TMEM132C: variants seen among roughly 807,000 people sequenced by gnomAD.
TMEM132C encodes the protein protein phosphatase 1, regulatory subunit 152.
Under a neutral mutation model 61.4 loss-of-function variants are expected in TMEM132C, and 29 were observed. The ratio of observed to expected loss-of-function variants is 0.47; its 90% CI spans 0.35 to 0.64. The LOEUF is 0.64. Among genes scored for constraint, TMEM132C ranks in the 30% least tolerant of loss-of-function variants. TMEM132C has a pLI of 0.00. For synonymous variants in TMEM132C, 656 were observed against 633.1 expected (o/e 1.04, Z -0.54); for missense variants, 1,408 against 1,476.9 (o/e 0.95, Z 0.76).
At chr12:128,542,859 C>CAAAAAA (rs59362697) in intron 2 of TMEM132C, among the ~76,000 whole-genome samples, 1 of 81,584 alleles carries the variant, frequency 1.2e-5, no homozygotes. Flanking sequence ...TACTTCGATG[C>CAAAAAA]AAAAAAAAAA....
chr12:128,525,340 CTCTT>C (rs1319518947), intron 2 of TMEM132C, among the ~76,000 whole-genome samples: 5 of 139,222 alleles, frequency 3.6e-5, no homozygotes, highest in African/African-American at 2.8e-5. Context: ...CTCTCTCTCT[CTCTT>C]TCTCTCTCTC....
intron 1 of TMEM132C, among the ~76,000 whole-genome samples, chr12:128,354,327 A>G (rs1873433002): frequency 6.8e-6 from 1 of 148,038 alleles, no homozygotes; most frequent in Non-Finnish European, 1.5e-5. Flanking sequence ...TCCCTCCCTC[A>G]CTTCCTTTCT....
intron 2 of TMEM132C, among the ~76,000 whole-genome samples, chr12:128,437,421 C>T (rs1360891646): frequency 6.6e-6 from 1 of 152,194 alleles, no homozygotes; most frequent in East Asian, 1.9e-4. Context: ...TCCCATCATG[C>T]TCCACTGCCT....
chr12:128,328,809 A>G (rs1223780562), intron 1 of TMEM132C, among the ~76,000 whole-genome samples: 1 of 148,468 alleles, frequency 6.7e-6, no homozygotes, highest in East Asian at 1.9e-4. Context: ...AAAAAAAAAA[A>G]AGGCTAAAGC....
intron 1 of TMEM132C, among the ~76,000 whole-genome samples, chr12:128,386,107 A>G (rs1442827968): frequency 6.6e-6 from 1 of 152,094 alleles, no homozygotes; most frequent in East Asian, 1.9e-4. Context: ...TGTTATTCGG[A>G]ATTTTATGGG....
At chr12:128,472,534 G>A (rs975969682) in intron 2 of TMEM132C, among the ~76,000 whole-genome samples, 3 of 152,200 alleles carry the variant, frequency 2.0e-5, no homozygotes, top group Non-Finnish European at 2.9e-5. Flanking sequence ...ATGTGTGCAC[G>A]GAGTGGTTGG....
chr12:128,426,103 C>T (rs1212826343), intron 2 of TMEM132C, among the ~76,000 whole-genome samples: 1 of 152,198 alleles, frequency 6.6e-6, no homozygotes, highest in African/African-American at 2.4e-5. Context: ...AGGCCGTGTT[C>T]CCTGTGGTGG....
chr12:128,542,256 C>A (rs953674025), intron 2 of TMEM132C, among the ~76,000 whole-genome samples: 8 of 152,102 alleles, frequency 5.3e-5, no homozygotes, highest in Admixed American at 5.2e-4. Flanking sequence ...AAATCTGTTG[C>A]TGCGGCTGCA....
chr12:128,334,169 G>A (rs925815046), intron 1 of TMEM132C, among the ~76,000 whole-genome samples: 2 of 152,204 alleles, frequency 1.3e-5, no homozygotes, highest in African/African-American at 4.8e-5. Context: ...CATCAAAAAG[G>A]CTGTCTAGTT....
intron 2 of TMEM132C, among the ~76,000 whole-genome samples, chr12:128,435,437 G>A (rs1169846872): frequency 6.6e-6 from 1 of 152,190 alleles, no homozygotes; most frequent in Non-Finnish European, 1.5e-5. Flanking sequence ...AAGCTGATAA[G>A]CAACTTTGGC....
rs539737930 is a variant in TMEM132C, at chr12:128,648,972, G to A, written c.1306-20445G>A. Among the ~76,000 whole-genome samples, 10 of 150,910 alleles carry A rather than the reference G, an allele frequency of 6.6e-5. No individual in the cohort carries two copies. The East Asian group carries it at 1.9e-3, about 29-fold the overall frequency. On this transcript the variant is annotated intron_variant, in intron 4 of 8. Transcript: ENST00000435159. ...GTCCATCAGCGTAGGATGTGAGTGT[G>A]TTTAGCTCAGTCCATCAGCATTGGA...
chr12:128,333,576 T>A (rs1286099114), intron 1 of TMEM132C, among the ~76,000 whole-genome samples: 1 of 150,782 alleles, frequency 6.6e-6, no homozygotes, highest in African/African-American at 2.5e-5. Flanking sequence ...TGTGTGTATA[T>A]GTGAGAATGT....
chr12:128,692,881 C>T (rs946967499), intron 5 of TMEM132C, among the ~76,000 whole-genome samples: 12 of 152,138 alleles, frequency 7.9e-5, no homozygotes, highest in Non-Finnish European at 7.3e-5. Flanking sequence ...TTTCTTTCTG[C>T]TTTGTCTCAT....
At chr12:128,572,544 C>T (rs1447090546) in intron 3 of TMEM132C, among the ~76,000 whole-genome samples, 1 of 151,654 alleles carries the variant, frequency 6.6e-6, no homozygotes, top group Non-Finnish European at 1.5e-5. Context: ...GGGCCTGGGT[C>T]ACATGCTTAC....
chr12:128,572,463 C>A (rs141383038), intron 3 of TMEM132C, among the ~76,000 whole-genome samples: 5 of 152,004 alleles, frequency 3.3e-5, no homozygotes, highest in South Asian at 2.1e-4. Flanking sequence ...CCACTGTGGC[C>A]TCTGCTGACC....
At chr12:128,622,356 A>ATATAT (rs1374240441) in intron 4 of TMEM132C, among the ~76,000 whole-genome samples, 5 of 59,200 alleles carry the variant, frequency 8.4e-5, no homozygotes, top group Non-Finnish European at 1.6e-4. Flanking sequence ...AAAAAAAAAA[A>ATATAT]AAAAATATAT....
At chr12:128,290,241 AC>A (rs1332742328) in intron 1 of TMEM132C, among the ~76,000 whole-genome samples, 1 of 152,096 alleles carries the variant, frequency 6.6e-6, no homozygotes, top group African/African-American at 2.4e-5. Context: ...TGGTTGACTC[AC>A]AGTTCTGCAG....
chr12:128,395,617 T>C lies in TMEM132C; in HGVS notation c.86-19115T>C, dbSNP rs548860127. On this transcript the variant is annotated intron_variant, in intron 1 of 8. Transcript: ENST00000435159. ...ATTAACCTACACCTGGGCAAAATCA[T>C]CGAACACAAAGCCTGTTTTATGATA... Among the ~76,000 whole-genome samples the C allele has an allele frequency of 1.6e-4, 24 of 152,332 alleles. No individual in the cohort carries two copies. In the East Asian group the frequency reaches 4.6e-3, roughly 29 times the overall value.
At chr12:128,516,969 A>G (rs1246535494) in intron 2 of TMEM132C, among the ~76,000 whole-genome samples, 1 of 151,214 alleles carries the variant, frequency 6.6e-6, no homozygotes, top group Non-Finnish European at 1.5e-5. Context: ...CGCCTGTAAT[A>G]CCAACAATTT....
Sources: allele counts gnomAD v4.1 joint callset (sites outside exome capture counted in the v4.1 genomes callset), GRCh38; gene constraint gnomAD v4.1.1; transcripts MANE v1.5; gene names NCBI Gene and HGNC (gene_info 2026-07-23, HGNC 2026-07-21).